Variants in KLF8 observed in about 807,000 individuals in gnomAD.
KLF8 encodes Krueppel-like factor 8.
Under a neutral mutation model 18.2 loss-of-function variants are expected in KLF8, and 10 were observed. The ratio of observed to expected loss-of-function variants is 0.55; its 90% confidence interval spans 0.34 to 0.93. The LOEUF is 0.93. Ranked by LOEUF, KLF8 falls within the 40% of genes least tolerant of loss-of-function variation. The pLI, the probability that KLF8 is intolerant of heterozygous loss-of-function variation, is 0.02. For missense variants in KLF8, 264 were observed against 277.9 expected, an observed-to-expected ratio of 0.95 and a Z score of 0.36; for synonymous variants, 109 against 97.3, an observed-to-expected ratio of 1.12 and a Z score of -0.71.
the KLF8 span, among the ~76,000 whole-genome samples, chrX:55,946,161 A>G: frequency 8.9e-6 from 1 of 111,807 alleles, no homozygotes; most frequent in Non-Finnish European, 1.9e-5. Flanking sequence ...GAACCAAAAA[A>G]GAGCCCACAT....
At chrX:56,014,007 T>A in the KLF8 span, among the ~76,000 whole-genome samples, 2 of 111,626 alleles carry the variant, frequency 1.8e-5, no homozygotes, top group African/African-American at 6.5e-5. Flanking sequence ...AACACTTAAA[T>A]GTAAAACCTG....
the KLF8 span, among the ~76,000 whole-genome samples, chrX:55,939,219 A>T: frequency 8.9e-6 from 1 of 111,806 alleles, no homozygotes; most frequent in African/African-American, 3.2e-5. Flanking sequence ...GGATTAAGAA[A>T]CTCACTCAAA....
chrX:56,256,263 C>T (rs2066793730), intron 2 of KLF8, among the ~76,000 whole-genome samples: 1 of 110,814 alleles, frequency 9.0e-6, no homozygotes, highest in South Asian at 3.8e-4. Flanking sequence ...TTATTTGGAT[C>T]TTCTCTCTTT....
chrX:56,116,436 C>T, the KLF8 span, among the ~76,000 whole-genome samples: 1 of 110,862 alleles, frequency 9.0e-6, no homozygotes, highest in African/African-American at 3.3e-5. Flanking sequence ...CCCTGGTGGC[C>T]TTTTCTGCCA....
the KLF8 span, among the ~76,000 whole-genome samples, chrX:55,949,950 G>A: frequency 3.6e-5 from 4 of 111,281 alleles, no homozygotes; most frequent in African/African-American, 1.3e-4. Context: ...TTTGAAAAAT[G>A]CTGTATTAAA....
chrX:56,272,244 T>A (rs751344321), intron 5 of KLF8, among the ~76,000 whole-genome samples: 14 of 111,013 alleles, frequency 1.3e-4, no homozygotes, highest in African/African-American at 4.6e-4. Flanking sequence ...AGTTTTGCTC[T>A]GTTGCCCAGG....
At chrX:56,050,818 A>G in the KLF8 span, among the ~76,000 whole-genome samples, 21 of 109,966 alleles carry the variant, frequency 1.9e-4, no homozygotes, top group African/African-American at 6.3e-4. Flanking sequence ...ATTCCTGGGT[A>G]TCCTTGTTGA....
the KLF8 span, among the ~76,000 whole-genome samples, chrX:56,153,230 G>T: frequency 9.0e-6 from 1 of 110,655 alleles, no homozygotes; most frequent in Non-Finnish European, 1.9e-5. Context: ...GCATGGAGGT[G>T]CATGCCTATA....
At chrX:56,060,720 G>A in the KLF8 span, among the ~76,000 whole-genome samples, 2 of 111,838 alleles carry the variant, frequency 1.8e-5, no homozygotes, top group African/African-American at 6.5e-5. Context: ...AAATGAGTTA[G>A]GGAGGAGTTC....
intron 2 of KLF8, among the ~76,000 whole-genome samples, chrX:56,262,344 C>A (rs949037952): frequency 8.9e-6 from 1 of 111,790 alleles, no homozygotes; most frequent in African/African-American, 3.3e-5. Context: ...GATGTTCCTA[C>A]GTAATGTTTT....
the KLF8 span, among the ~76,000 whole-genome samples, chrX:55,995,561 G>T: frequency 8.9e-6 from 1 of 112,166 alleles, no homozygotes; most frequent in African/African-American, 3.2e-5. Context: ...TGGACCTCTT[G>T]TAAACTATGT....
chrX:56,252,006 T>C (rs2066721895), intron 2 of KLF8, among the ~76,000 whole-genome samples: 1 of 111,273 alleles, frequency 9.0e-6, no homozygotes, highest in Non-Finnish European at 1.9e-5. Context: ...GTCTTATTTG[T>C]TATTTCCAAC....
chrX:56,080,002 T>C, the KLF8 span, among the ~76,000 whole-genome samples: 17 of 111,307 alleles, frequency 1.5e-4, no homozygotes, highest in Non-Finnish European at 3.2e-4. Context: ...ATTTGCTTGG[T>C]AGATCTTCCT....
the KLF8 span, among the ~76,000 whole-genome samples, chrX:56,072,573 G>C: frequency 9.0e-6 from 1 of 111,426 alleles, no homozygotes; most frequent in African/African-American, 3.3e-5. Context: ...ATATATTTAC[G>C]CTTTTATCTT....
At chrX:55,922,466 A>C in the KLF8 span, among the ~76,000 whole-genome samples, 1 of 112,225 alleles carries the variant, frequency 8.9e-6, no homozygotes, top group Non-Finnish European at 1.9e-5. Context: ...TGTCAGGGGG[A>C]CAGCAGGGGG....
chrX:56,251,839 A>C (rs2066719002), intron 2 of KLF8, among the ~76,000 whole-genome samples: 1 of 111,327 alleles, frequency 9.0e-6, no homozygotes, highest in East Asian at 2.8e-4. Context: ...CAGGCATGCA[A>C]TGTGAAATAA....
the KLF8 span, among the ~76,000 whole-genome samples, chrX:56,154,873 A>G: frequency 8.9e-6 from 1 of 112,428 alleles, no homozygotes; most frequent in Non-Finnish European, 1.9e-5. Flanking sequence ...ATCACTGGCC[A>G]TCAGAGAAAT....
chrX:56,136,442 T>G, the KLF8 span, among the ~76,000 whole-genome samples: 2 of 110,389 alleles, frequency 1.8e-5, no homozygotes, highest in Non-Finnish European at 3.8e-5. Context: ...CCCTCAGAAA[T>G]AACGCCGCAT....
At chrX:56,104,908 C>T in the KLF8 span, among the ~76,000 whole-genome samples, 33 of 111,697 alleles carry the variant, frequency 3.0e-4, no homozygotes, top group African/African-American at 6.2e-4. Context: ...GATTCTGGTA[C>T]GTTGTGGCTT....
Sources: allele counts gnomAD v4.1 joint callset (sites outside exome capture counted in the v4.1 genomes callset), GRCh38; gene constraint gnomAD v4.1.1; transcripts MANE v1.5; gene names NCBI Gene and HGNC (gene_info 2026-07-23, HGNC 2026-07-21).